The following ATG3 variants were observed in gnomAD, a reference collection of about 807,000 sequenced individuals.
ATG3 encodes the protein autophagy related 3.
A neutral mutation model predicts 50.7 loss-of-function variants in ATG3; 25 were observed. That is an observed-to-expected ratio of 0.49 (90% CI 0.36 to 0.69). The LOEUF (loss-of-function observed/expected upper bound fraction) is 0.69, where lower values mean the gene tolerates loss of function less well. ATG3 is among the 30% of genes least tolerant of loss of function. The probability of loss-of-function intolerance (pLI) is 0.00; values close to 1 mark genes in which losing one functional copy is unlikely to be tolerated. For synonymous variants in ATG3, 119 were observed against 125.5 expected (o/e 0.95, Z 0.34); for missense variants, 281 against 376.0 (o/e 0.75, Z 2.09).
chr3:112,532,571 T>C lies in ATG3; in HGVS notation c.*128A>G. Reference sequence around the variant, plus strand: ...GGTAGTGGAACATATTTTTATTTAATGCATAAACATATAAGTCCCTTATTA... The same window carrying C: ...GGTAGTGGAACATATTTTTATTTAACGCATAAACATATAAGTCCCTTATTA... On this transcript the variant is annotated 3_prime_UTR_variant, in exon 12 of 12. Transcript: ENST00000283290. 1 of 572,916 alleles carries C rather than the reference T, an allele frequency of 1.7e-6. No individual in the cohort carries two copies. The highest frequency in any genetic ancestry group is 2.7e-6 in the Non-Finnish European group (1 of 371,282). 35.5% of individuals were successfully genotyped at this position (572,916 alleles called of 1,614,324 possible).
intron 5 of ATG3, among the ~76,000 whole-genome samples, chr3:112,545,938 C>A (rs1376956155): frequency 1.3e-5 from 2 of 152,066 alleles, no homozygotes; most frequent in African/African-American, 4.8e-5. Context: ...TTACCCTCTA[C>A]AAGATAGGGG....
chr3:112,544,817 A>C (rs1933330344), intron 5 of ATG3, among the ~76,000 whole-genome samples: 1 of 151,990 alleles, frequency 6.6e-6, no homozygotes, highest in Non-Finnish European at 1.5e-5. Context: ...AGTATTTCTG[A>C]TTTTTTTAGA....
chr3:112,540,581 G>A (rs1439186356), intron 7 of ATG3, among the ~76,000 whole-genome samples: 2 of 151,118 alleles, frequency 1.3e-5, no homozygotes, highest in South Asian at 2.1e-4. Flanking sequence ...CCAAACTACA[G>A]AATGCCATTA....
rs1933750824 is a variant in ATG3 at position 112,558,542 on chromosome 3, TATCTATCTAATCTATA to T, written c.73-141_73-126del. 23 of 711,534 alleles carry T rather than the reference TATCTATCTAATCTATA, an allele frequency of 3.2e-5. 1 individual carries two copies. In the South Asian group the frequency reaches 3.4e-4, roughly 11 times the overall value. 44.1% of individuals were successfully genotyped at this position (711,534 alleles called of 1,614,324 possible). On this transcript the variant is annotated intron_variant, in intron 1 of 11. Coordinates refer to ENST00000283290, the MANE Select transcript of ATG3 (RefSeq NM_022488.5). ...GAGCACATACAAAAAAAAATTAGTC[TATCTATCTAATCTATA>T]ATCTATCTAATCTACCTATCTACCT...
In ATG3 at chr3:112,538,198, C is replaced by A; in HGVS notation, c.476-18G>T. 1.9e-6 allele frequency: 3 copies of A among 1,556,868 alleles called. No individual in the cohort carries two copies. Among genetic ancestry groups the A allele is most frequent in the Non-Finnish European group, 2.6e-6 (3 of 1,143,408 alleles). On this transcript the variant is annotated intron_variant, in intron 7 of 11. Coordinates refer to ENST00000283290, the MANE Select transcript of ATG3 (RefSeq NM_022488.5). The stretch of plus-strand genomic sequence containing the variant: ...TTCATATTCTGTTATAAAAAAACAA[C>A]AAAAGATTAATCAAGTTCAAGTTCA...
At chr3:112,547,556 A>T (rs1490919536) in intron 5 of ATG3, among the ~76,000 whole-genome samples, 1 of 152,262 alleles carries the variant, frequency 6.6e-6, no homozygotes, top group African/African-American at 2.4e-5. Context: ...TAGCTTCAGC[A>T]GCATATGATA....
intron 1 of ATG3, among the ~76,000 whole-genome samples, chr3:112,560,792 A>G (rs1933838621): frequency 6.6e-6 from 1 of 152,186 alleles, no homozygotes; most frequent in Non-Finnish European, 1.5e-5. Context: ...AAAATGCTGT[A>G]CTGTTGCCAA....
intron 3 of ATG3, among the ~76,000 whole-genome samples, chr3:112,550,712 T>C (rs1013553820): frequency 6.6e-6 from 1 of 152,194 alleles, no homozygotes; most frequent in African/African-American, 2.4e-5. Flanking sequence ...TGTAGGTGGC[T>C]GGCAAAATCC....
intron 3 of ATG3, among the ~76,000 whole-genome samples, chr3:112,550,547 T>A (rs530111400): frequency 1.3e-5 from 2 of 152,336 alleles, no homozygotes; most frequent in Non-Finnish European, 2.9e-5. Context: ...ATTAAGCAAC[T>A]ATTATGTTTG....
At chr3:112,536,320 G>T in intron 10 of ATG3, 155 bp downstream of exon 10, 1 of 820,330 alleles carries the variant, frequency 1.2e-6, no homozygotes, top group Non-Finnish European at 1.8e-6. Flanking sequence ...ATATATTTAA[G>T]CACAAGAAAA....
intron 1 of ATG3, among the ~76,000 whole-genome samples, chr3:112,561,210 C>CA (rs1448432325): frequency 6.6e-6 from 1 of 152,224 alleles, no homozygotes; most frequent in Admixed American, 6.5e-5. Context: ...CCCGACCGCG[C>CA]AGAGTTATGA....
chr3:112,552,398 A>C (rs1933551996), intron 3 of ATG3, among the ~76,000 whole-genome samples: 1 of 151,992 alleles, frequency 6.6e-6, no homozygotes, highest in Non-Finnish European at 1.5e-5. Flanking sequence ...TTAAAATAAA[A>C]GGTATTGAAA....
chr3:112,538,290 T>C (rs1434711939), intron 7 of ATG3, 110 bp from the exon 8 acceptor site: 1 of 793,526 alleles, frequency 1.3e-6, no homozygotes, highest in South Asian at 1.9e-5. Context: ...GTTTTGCCTT[T>C]GTTTTTAAGT....
rs1416774438 is a variant in ATG3, at chr3:112,532,679, T to C, written c.*20A>G. The C allele has an allele frequency of 2.6e-6, 4 of 1,518,260 alleles. No homozygotes were observed. Among genetic ancestry groups the C allele is most frequent in the South Asian group, 1.2e-5 (1 of 80,086 alleles). 94.0% of individuals were successfully genotyped at this position (1,518,260 alleles called of 1,614,324 possible). On this transcript the variant is annotated 3_prime_UTR_variant, in exon 12 of 12. Coordinates refer to ENST00000283290, the MANE Select transcript of ATG3 (RefSeq NM_022488.5). ...TAAAAATCAGAACCAATAATTAGGA[T>C]AGATTTTATGCTCTCTTCATTACAT...
chr3:112,555,279 A>G (rs1270583827), intron 2 of ATG3, among the ~76,000 whole-genome samples: 1 of 152,242 alleles, frequency 6.6e-6, no homozygotes. Flanking sequence ...AGCAATGGCC[A>G]TCATAACTTG....
chr3:112,554,418 C>A lies in ATG3; in HGVS notation c.115-1089G>T, dbSNP rs1490666174. ...AAGGTTCTTTGTAATTCTCCCCATC[C>A]TTGAGAATGTATTTTGTGCCATCCA... On this transcript the variant is annotated intron_variant, in intron 2 of 11. Coordinates refer to ENST00000283290, the MANE Select transcript of ATG3 (RefSeq NM_022488.5). Among the ~76,000 whole-genome samples, 3 of 152,362 alleles carry A rather than the reference C, an allele frequency of 2.0e-5. No individual in the cohort carries two copies. In the South Asian group the frequency reaches 6.2e-4, roughly 32 times the overall value.
chr3:112,537,619 A>T (rs1933105916), intron 9 of ATG3, 116 bp downstream of exon 9: 2 of 738,624 alleles, frequency 2.7e-6, no homozygotes. Context: ...ACTGTAAAAC[A>T]GATGATTTCC....
intron 4 of ATG3, among the ~76,000 whole-genome samples, chr3:112,549,164 T>G (rs1933457075): frequency 6.6e-6 from 1 of 152,240 alleles, no homozygotes; most frequent in South Asian, 2.1e-4. Context: ...TTCTGATTTT[T>G]ACTTCTTTAT....
chr3:112,538,041 T>A, intron 8 of ATG3, 105 bp downstream of exon 8: 1 of 1,215,696 alleles, frequency 8.2e-7, no homozygotes, highest in East Asian at 2.5e-5. Context: ...ATAATCAATA[T>A]GAACAAATTA....
Sources: allele counts gnomAD v4.1 joint callset (sites outside exome capture counted in the v4.1 genomes callset), GRCh38; gene constraint gnomAD v4.1.1; transcripts MANE v1.5; gene names NCBI Gene and HGNC (gene_info 2026-07-23, HGNC 2026-07-21).